CHEK2: variants seen among roughly 807,000 people sequenced by gnomAD.
CHEK2 encodes serine/threonine-protein kinase Chk2.
A neutral mutation model predicts 69.1 loss-of-function variants in CHEK2; 71 were observed. The ratio of observed to expected loss-of-function variants is 1.03; its 90% CI spans 0.85 to 1.25. The LOEUF (loss-of-function observed/expected upper bound fraction) is 1.25, where lower values mean the gene tolerates loss of function less well. CHEK2 is among the 50% of genes most tolerant of loss of function. The pLI, the probability that CHEK2 is intolerant of heterozygous loss-of-function variation, is 0.00. For synonymous variants in CHEK2, 189 were observed against 226.9 expected (o/e 0.83, Z 1.50); for missense variants, 664 against 649.6 (o/e 1.02, Z -0.24).
chr22:28,732,474 T>C (rs2054249461), intron 2 of CHEK2, among the ~76,000 whole-genome samples: 1 of 152,078 alleles, frequency 6.6e-6, no homozygotes, highest in Non-Finnish European at 1.5e-5. Context: ...CTCAAACTCC[T>C]GACCTCAGGT....
chr22:28,716,225 C>G (rs909651472), intron 5 of CHEK2, among the ~76,000 whole-genome samples: 43 of 143,612 alleles, frequency 3.0e-4, no homozygotes, highest in African/African-American at 1.0e-3. Flanking sequence ...GAGACAGAGT[C>G]TCACTCTGTT....
chr22:28,695,597 A>G, intron 11 of CHEK2, 113 bp downstream of exon 11: 1 of 879,454 alleles, frequency 1.1e-6, no homozygotes, highest in South Asian at 1.4e-5. Flanking sequence ...CAGAGGCTAC[A>G]GTTAGCCAAG....
In CHEK2 at chr22:28,708,361, A is replaced by ATG. The variant is rs200869651; in HGVS notation, c.846+1644_846+1645insCA. On this transcript the variant is annotated intron_variant, in intron 7 of 14. Transcript: ENST00000404276. The stretch of plus-strand genomic sequence containing the variant: ...TAACAGAGACAGACTGTCTCTAAAA[A>ATG]TATGTGTGTGTGTGTGTGTGTGTGT... Among the ~76,000 whole-genome samples, 160 of 104,446 alleles carry ATG rather than the reference A, an allele frequency of 1.5e-3. 1 individual carries two copies. Among genetic ancestry groups the ATG allele is most frequent in the South Asian group, 2.8e-3 (10 of 3,528 alleles). The allele number at this position is 104,446 out of a possible 152,430, so 68.5% of individuals were successfully genotyped here.
At chr22:28,695,681 G>C (rs2145800233) in intron 11 of CHEK2, 29 bp downstream of exon 11, 1 of 1,605,080 alleles carries the variant, frequency 6.2e-7, no homozygotes, top group Non-Finnish European at 8.5e-7. Flanking sequence ...CCTCCTACCA[G>C]TCTGTGCAGC....
At chr22:28,734,295 C>T (rs1223746701) in intron 2 of CHEK2, 108 bp downstream of exon 2, 20 of 1,015,120 alleles carry the variant, frequency 2.0e-5, no homozygotes, top group South Asian at 1.6e-4. Flanking sequence ...ATTTGTTCAA[C>T]GTGCCAAAAA....
chr22:28,689,117 C>G lies in CHEK2; in HGVS notation c.1542+18G>C, dbSNP rs1226931987. 6.5e-7 allele frequency: 1 copy of G among 1,540,962 alleles called. No homozygotes were observed. Among genetic ancestry groups the G allele is most frequent in the Non-Finnish European group, 8.9e-7 (1 of 1,129,878 alleles). On this transcript the variant is annotated intron_variant, in intron 14 of 14. Transcript: ENST00000404276. ...TTAAGCCCAGACTACATTTAGTGAT[C>G]ATCAGGAATACGAATACCTGGGCTA...
intron 7 of CHEK2, among the ~76,000 whole-genome samples, chr22:28,704,792 G>GT (rs1228620986): frequency 6.6e-6 from 1 of 152,094 alleles, no homozygotes; most frequent in Non-Finnish European, 1.5e-5. Flanking sequence ...AGATTTTTTG[G>GT]TTTTAGATTC....
Position 28,731,280 on chromosome 22 carries a change from T to C in CHEK2, c.319+3123A>G, listed in dbSNP as rs867230190. 3.9e-5 allele frequency among the ~76,000 whole-genome samples: 6 copies of C among 152,040 alleles called. 1 individual carries two copies. The highest frequency in any genetic ancestry group is 4.4e-5 in the Non-Finnish European group (3 of 68,004). ...GTAAAATTTTAAAAGAAAACATAGG[T>C]ATAAATAATTAACAAATAATAATAA... is the stretch of plus-strand genomic sequence containing the variant. On this transcript the variant is annotated intron_variant, in intron 2 of 14. Coordinates refer to ENST00000404276, the MANE Select transcript of CHEK2 (RefSeq NM_007194.4).
intron 4 of CHEK2, among the ~76,000 whole-genome samples, chr22:28,723,422 C>A (rs1306728323): frequency 6.6e-6 from 1 of 151,172 alleles, no homozygotes; most frequent in Non-Finnish European, 1.5e-5. Context: ...AACAGTGAAA[C>A]CCCGTCTCTA....
chr22:28,691,422 G>A (rs1472877882), intron 13 of CHEK2, among the ~76,000 whole-genome samples: 1 of 152,190 alleles, frequency 6.6e-6, no homozygotes, highest in African/African-American at 2.4e-5. Context: ...AGGTTGCAGT[G>A]AGCTGAGATC....
At chr22:28,724,661 G>A (rs1319490305) in intron 4 of CHEK2, 1 of 376,778 alleles carries the variant, frequency 2.7e-6, no homozygotes, top group East Asian at 6.5e-5. Context: ...CTGCCTCCCG[G>A]GTTCAAGCGA....
At chr22:28,704,292 T>G in intron 7 of CHEK2, among the ~76,000 whole-genome samples, 1 of 151,900 alleles carries the variant, frequency 6.6e-6, no homozygotes, top group Non-Finnish European at 1.5e-5. Context: ...CACACCTATT[T>G]TTTTTTTAAT....
intron 2 of CHEK2, chr22:28,727,939 T>C (rs1298380483): frequency 6.6e-6 from 1 of 152,198 alleles, no homozygotes; most frequent in African/African-American, 2.4e-5. Flanking sequence ...TTGTCTATAA[T>C]TGTCTAGGGA....
At chr22:28,689,270 G>C (rs2145751705) in intron 13 of CHEK2, 55 bp from the exon 14 acceptor site, 1 of 1,141,126 alleles carries the variant, frequency 8.8e-7, no homozygotes, top group Non-Finnish European at 1.3e-6. Flanking sequence ...TAAACTCCTA[G>C]AATGACAGGG....
intron 7 of CHEK2, among the ~76,000 whole-genome samples, chr22:28,705,601 A>G (rs957135678): frequency 6.6e-6 from 1 of 152,204 alleles, no homozygotes; most frequent in Non-Finnish European, 1.5e-5. Context: ...GTAAAACTAT[A>G]TTATTTAGGG....
chr22:28,695,957 G>A (rs2052570823), intron 10 of CHEK2, 84 bp from the exon 11 acceptor site: 7 of 1,063,810 alleles, frequency 6.6e-6, no homozygotes, highest in South Asian at 2.6e-5. Context: ...AAGAAGACAC[G>A]TAGGCTAGAT....
chr22:28,731,156 T>C (rs2054202642), intron 2 of CHEK2, among the ~76,000 whole-genome samples: 1 of 152,044 alleles, frequency 6.6e-6, no homozygotes, highest in African/African-American at 2.4e-5. Flanking sequence ...TGAGCTGAGA[T>C]TGTGCCACTG....
At chr22:28,699,494 A>G (rs1339274607) in intron 9 of CHEK2, among the ~76,000 whole-genome samples, 1 of 149,454 alleles carries the variant, frequency 6.7e-6, no homozygotes, top group Non-Finnish European at 1.5e-5. Context: ...CCTCCCGAGT[A>G]GCTGGGACTA....
chr22:28,729,553 A>G (rs1046992068), intron 2 of CHEK2, among the ~76,000 whole-genome samples: 2 of 151,026 alleles, frequency 1.3e-5, no homozygotes, highest in African/African-American at 4.9e-5. Context: ...AAAAAAAAAA[A>G]AAAAAAAAAA....
Sources: gnomAD v4.1 joint callset for allele counts (sites outside exome capture counted in the v4.1 genomes callset) on GRCh38, gnomAD v4.1.1 for gene constraint, MANE v1.5 for transcripts, NCBI Gene and HGNC (gene_info 2026-07-23, HGNC 2026-07-21) for gene names.